Variants in PTCHD4 observed in about 807,000 individuals in gnomAD.
The protein encoded by PTCHD4 is patched domain containing 4.
In PTCHD4, 33 loss-of-function variants were observed where a neutral mutation model predicts 58.1. That is an observed-to-expected ratio of 0.57 (90% confidence interval 0.43 to 0.76). The LOEUF (loss-of-function observed/expected upper bound fraction) is 0.76. Among genes scored for constraint, PTCHD4 ranks in the 30% least tolerant of loss-of-function variants. The pLI, the probability that PTCHD4 is intolerant of heterozygous loss-of-function variation, is 0.00. For missense variants in PTCHD4, 1,058 were observed against 1,027.1 expected (o/e 1.03, Z -0.41); for synonymous variants, 478 against 409.6 (o/e 1.17, Z -2.02).
chr6:47,859,197 T>C lies in PTCHD4; in HGVS notation c.*19106A>G, dbSNP rs183897119. 6.6e-6 allele frequency among the ~76,000 whole-genome samples: 1 copy of C among 152,186 alleles called. No homozygotes were observed. The highest frequency in any genetic ancestry group is 2.4e-5 in the African/African-American group (1 of 41,558). On this transcript the variant is annotated 3_prime_UTR_variant, in exon 5 of 5. Coordinates refer to ENST00000339488, the MANE Select transcript of PTCHD4 (RefSeq NM_001384253.1). ...TCTTTAAGCCTGAGAAGCAGCAGGCTACCAATTGCTCCCATTTAAGGATGT... is the reference window on the plus strand; with the variant it reads ...TCTTTAAGCCTGAGAAGCAGCAGGCCACCAATTGCTCCCATTTAAGGATGT...
At chr6:47,995,515 A>G (rs1581989739) in intron 4 of PTCHD4, among the ~76,000 whole-genome samples, 1 of 152,158 alleles carries the variant, frequency 6.6e-6, no homozygotes, top group Non-Finnish European at 1.5e-5. Flanking sequence ...AGAGATTCTC[A>G]CTCACTTATT....
chr6:47,901,993 T>C (rs1489085952), intron 4 of PTCHD4: 20 of 1,115,010 alleles, frequency 1.8e-5, no homozygotes, highest in Non-Finnish European at 1.2e-6. Context: ...CTAGCCTCAC[T>C]CATATTTCCC....
chr6:47,923,979 CA>C (rs1304398256), intron 4 of PTCHD4, among the ~76,000 whole-genome samples: 1 of 152,134 alleles, frequency 6.6e-6, no homozygotes, highest in East Asian at 1.9e-4. Context: ...GAATGGGGAA[CA>C]AAAAACTAAC....
rs532141061 is a variant in PTCHD4 at position 47,895,645 on chromosome 6, T to C, written c.899-15709A>G. On this transcript the variant is annotated intron_variant, in intron 4 of 4. Coordinates refer to ENST00000339488, the MANE Select transcript of PTCHD4 (RefSeq NM_001384253.1). ...CATTCAACTTTTTCTCTAACATATGTATCCTCCTTCCACGTGCCCAACAAG... is the reference window on the plus strand; with the variant it reads ...CATTCAACTTTTTCTCTAACATATGCATCCTCCTTCCACGTGCCCAACAAG... Among the ~76,000 whole-genome samples the C allele has an allele frequency of 2.0e-5, 3 of 152,322 alleles. No individual in the cohort carries two copies. The South Asian group carries it at 6.2e-4, about 32-fold the overall frequency.
In PTCHD4 at chr6:47,872,086, GA is replaced by G. The variant is rs554965985; in HGVS notation, c.*6216del. On this transcript the variant is annotated 3_prime_UTR_variant, in exon 5 of 5. Transcript: ENST00000339488. ...CTACCAACAACCAGTGAATTCATCAGATAAAATGATAGAAGGTGTTTCCGTG... is the reference window on the plus strand; with the variant it reads ...CTACCAACAACCAGTGAATTCATCAGTAAAATGATAGAAGGTGTTTCCGTG... Among the ~76,000 whole-genome samples, 40 of 151,088 alleles carry G rather than the reference GA, an allele frequency of 2.6e-4. No homozygotes were observed. The East Asian group carries it at 7.8e-3, about 30-fold the overall frequency.
At chr6:48,086,074 G>A (rs1230395485) in intron 1 of PTCHD4, among the ~76,000 whole-genome samples, 2 of 151,994 alleles carry the variant, frequency 1.3e-5, no homozygotes, top group Non-Finnish European at 2.9e-5. Context: ...AAATGTTGTA[G>A]AATTATAATT....
intron 4 of PTCHD4, among the ~76,000 whole-genome samples, chr6:47,939,894 G>T (rs1205600876): frequency 6.6e-6 from 1 of 151,988 alleles, no homozygotes; most frequent in Non-Finnish European, 1.5e-5. Flanking sequence ...CCTGAAACTG[G>T]TCTTTTACCT....
At chr6:47,959,044 A>G (rs1401378493) in intron 4 of PTCHD4, among the ~76,000 whole-genome samples, 1 of 152,228 alleles carries the variant, frequency 6.6e-6, no homozygotes, top group Non-Finnish European at 1.5e-5. Flanking sequence ...AAAATTCACA[A>G]TTTCTAGCAT....
intron 4 of PTCHD4, among the ~76,000 whole-genome samples, chr6:47,949,978 C>A (rs1284547598): frequency 6.6e-6 from 1 of 151,402 alleles, no homozygotes; most frequent in Non-Finnish European, 1.5e-5. Context: ...GTGCTGCACC[C>A]ATTAACTCAT....
rs998139684 is a variant in PTCHD4 at position 48,069,521 on chromosome 6, T to C, written c.-564A>G. 2.0e-5 allele frequency among the ~76,000 whole-genome samples: 3 copies of C among 152,160 alleles called. No homozygotes were observed. Among genetic ancestry groups the C allele is most frequent in the African/African-American group, 7.2e-5 (3 of 41,440 alleles). ...ATGCAAGGGATTTCCTCGCAACACC[T>C]TCCTCGCTGTGATTCCACAGACCAG... On this transcript the variant is annotated 5_prime_UTR_variant, in exon 2 of 5. Coordinates refer to ENST00000339488, the MANE Select transcript of PTCHD4 (RefSeq NM_001384253.1).
intron 3 of PTCHD4, among the ~76,000 whole-genome samples, chr6:48,045,982 G>T (rs1764023393): frequency 6.6e-6 from 1 of 151,680 alleles, no homozygotes; most frequent in Admixed American, 6.6e-5. Flanking sequence ...CTTAACACTT[G>T]CCATGTCTTG....
At chr6:47,889,855 G>A (rs1390599815) in intron 4 of PTCHD4, among the ~76,000 whole-genome samples, 1 of 151,640 alleles carries the variant, frequency 6.6e-6, no homozygotes, top group African/African-American at 2.4e-5. Context: ...TTGACAAATG[G>A]GATCTAATTA....
At chr6:47,992,240 T>C (rs1250040080) in intron 4 of PTCHD4, among the ~76,000 whole-genome samples, 1 of 152,184 alleles carries the variant, frequency 6.6e-6, no homozygotes, top group African/African-American at 2.4e-5. Flanking sequence ...TGATAAAATA[T>C]TTAATTCACC....
Position 47,874,245 on chromosome 6 carries a change from T to TA in PTCHD4, c.*4057dup. 2.6e-5 allele frequency among the ~76,000 whole-genome samples: 4 copies of TA among 151,888 alleles called. No homozygotes were observed. Among genetic ancestry groups the TA allele is most frequent in the Admixed American group, 2.6e-4 (4 of 15,210 alleles). On this transcript the variant is annotated 3_prime_UTR_variant, in exon 5 of 5. Transcript: ENST00000339488. Reference sequence around the variant, plus strand: ...ACTGATACCCAGGGAAGGCAATTCTTAAATTGCTTACCTGGGGATGGAACT... The same window carrying TA: ...ACTGATACCCAGGGAAGGCAATTCTTAAAATTGCTTACCTGGGGATGGAACT...
chr6:48,035,966 C>T (rs985386905), intron 3 of PTCHD4, among the ~76,000 whole-genome samples: 2 of 152,098 alleles, frequency 1.3e-5, no homozygotes, highest in Non-Finnish European at 2.9e-5. Flanking sequence ...CCTGTACTTA[C>T]TAAGATCACC....
chr6:47,890,065 G>T (rs1203306085), intron 4 of PTCHD4, among the ~76,000 whole-genome samples: 1 of 129,506 alleles, frequency 7.7e-6, no homozygotes, highest in African/African-American at 2.5e-5. Flanking sequence ...GTGTGTGTTT[G>T]TGCATATATA....
Position 47,897,310 on chromosome 6 carries a change from T to G in PTCHD4, c.899-17374A>C, listed in dbSNP as rs79199995. 4.6e-3 allele frequency among the ~76,000 whole-genome samples: 707 copies of G among 152,304 alleles called. 9 individuals carry two copies. Among genetic ancestry groups the G allele is most frequent in the African/African-American group, 0.016 (658 of 41,578 alleles). On this transcript the variant is annotated intron_variant, in intron 4 of 4. Transcript: ENST00000339488. The stretch of plus-strand genomic sequence containing the variant: ...GCTGCTATTCCTCTAAAACAGTAAG[T>G]AAGTGGAATCTCATTTCTCTCTCCT...
At chr6:48,026,764 C>A (rs1763260857) in intron 3 of PTCHD4, among the ~76,000 whole-genome samples, 1 of 152,028 alleles carries the variant, frequency 6.6e-6, no homozygotes, top group Non-Finnish European at 1.5e-5. Context: ...TTGGAGACAC[C>A]TAGACAGCTG....
chr6:48,076,068 T>G (rs75444676), intron 1 of PTCHD4, among the ~76,000 whole-genome samples: 24,136 of 152,224 alleles, frequency 0.16, 1,963 homozygotes, highest in African/African-American at 0.21. Flanking sequence ...TCAACTAAAT[T>G]TATGTAATGT....
Sources: allele counts gnomAD v4.1 joint callset (sites outside exome capture counted in the v4.1 genomes callset), GRCh38; gene constraint gnomAD v4.1.1; transcripts MANE v1.5; gene names NCBI Gene and HGNC (gene_info 2026-07-23, HGNC 2026-07-21).